Variants in CLDN10 observed in about 807,000 individuals in gnomAD.
The protein encoded by CLDN10 is claudin 10, also known as claudin-10.
In CLDN10, 15 loss-of-function variants were observed where a neutral mutation model predicts 22.9. The observed-to-expected ratio is 0.65, with a 90% CI of 0.44 to 1.01. The LOEUF (loss-of-function observed/expected upper bound fraction) is 1.01, where lower values mean the gene tolerates loss of function less well. Among genes scored for constraint, CLDN10 ranks in the 50% least tolerant of loss-of-function variants. The probability of loss-of-function intolerance (pLI) is 0.00; values close to 1 mark genes in which losing one functional copy is unlikely to be tolerated. For missense variants in CLDN10, 247 were observed against 287.8 expected, an observed-to-expected ratio of 0.86 and a Z score of 1.03; for synonymous variants, 114 against 111.4, an observed-to-expected ratio of 1.02 and a Z score of -0.15.
At chr13:95,471,648 C>T (rs1441313729) in intron 1 of CLDN10, among the ~76,000 whole-genome samples, 1 of 151,832 alleles carries the variant, frequency 6.6e-6, no homozygotes, top group East Asian at 1.9e-4. Flanking sequence ...GACAGGGTTT[C>T]ACCATGTTGG....
intron 3 of CLDN10, among the ~76,000 whole-genome samples, chr13:95,564,913 T>C (rs970769695): frequency 6.6e-6 from 1 of 152,194 alleles, no homozygotes; most frequent in African/African-American, 2.4e-5. Flanking sequence ...CGAGCTACAA[T>C]CATTTGACAG....
At chr13:95,556,536 T>A (rs138187327) in intron 1 of CLDN10, among the ~76,000 whole-genome samples, 6 of 152,380 alleles carry the variant, frequency 3.9e-5, no homozygotes, top group Non-Finnish European at 7.3e-5. Context: ...GATGCTTTGA[T>A]GACTTTCTTA....
rs778696030 is a variant in CLDN10, at chr13:95,560,264, G to T, written c.353G>T (p.Cys118Phe). Residue 118 changes from cysteine (C) to phenylalanine (F), a missense_variant, in exon 2 of 5, where the codon TGT becomes TTT. Transcript: ENST00000299339. ...GSDKAKAKIA[C>F]LAGIVFILSG... The stretch of plus-strand genomic sequence containing the variant: ...GATAAAGCCAAAGCTAAAATTGCTT[G>T]TTTGGCTGGGATTGTATTCATACTG... 4 of 1,614,182 alleles carry T rather than the reference G, an allele frequency of 2.5e-6. No individual in the cohort carries two copies. Among genetic ancestry groups the T allele is most frequent in the Non-Finnish European group, 3.4e-6 (4 of 1,180,012 alleles).
At chr13:95,479,757 T>C (rs1460296392) in intron 1 of CLDN10, 1 of 152,198 alleles carries the variant, frequency 6.6e-6, no homozygotes, top group Non-Finnish European at 1.5e-5. Context: ...CAAGGTCACA[T>C]AGCCAGTGAC....
intron 1 of CLDN10, among the ~76,000 whole-genome samples, chr13:95,482,288 A>G (rs1214637970): frequency 1.3e-5 from 2 of 152,216 alleles, no homozygotes; most frequent in Non-Finnish European, 2.9e-5. Flanking sequence ...CATAGGCTAT[A>G]CAGAAACAGG....
chr13:95,487,334 T>C (rs919697267), intron 1 of CLDN10, among the ~76,000 whole-genome samples: 1 of 152,250 alleles, frequency 6.6e-6, no homozygotes. Context: ...AAATCATTTT[T>C]GAATATTCAG....
chr13:95,488,638 C>A (rs7995114), intron 1 of CLDN10, among the ~76,000 whole-genome samples: 101,442 of 151,894 alleles, frequency 0.67, 35,242 homozygotes, highest in African/African-American at 0.87. Context: ...TTCCTGAGTT[C>A]CTTCACTTAG....
chr13:95,467,529 T>TTTGG (rs34372824), intron 1 of CLDN10, among the ~76,000 whole-genome samples: 5 of 150,786 alleles, frequency 3.3e-5, no homozygotes, highest in African/African-American at 1.2e-4. Flanking sequence ...TTGTTTTTTT[T>TTTGG]GGGGGGGGCA....
At chr13:95,470,944 C>T (rs2042624756) in intron 1 of CLDN10, among the ~76,000 whole-genome samples, 1 of 152,074 alleles carries the variant, frequency 6.6e-6, no homozygotes, top group South Asian at 2.1e-4. Flanking sequence ...ACTGCGGGCC[C>T]GGCTCTGAGA....
intron 1 of CLDN10, among the ~76,000 whole-genome samples, chr13:95,498,366 G>A (rs1019105030): frequency 1.3e-5 from 2 of 152,206 alleles, no homozygotes; most frequent in South Asian, 4.1e-4. Flanking sequence ...ATGTCTATGG[G>A]CAAAATATTT....
intron 1 of CLDN10, among the ~76,000 whole-genome samples, chr13:95,455,343 G>T (rs1039357593): frequency 1.3e-5 from 2 of 152,224 alleles, no homozygotes; most frequent in Admixed American, 1.3e-4. Flanking sequence ...CCCACAGAGG[G>T]TGTTTAATGT....
intron 1 of CLDN10, among the ~76,000 whole-genome samples, chr13:95,441,357 A>G (rs1286868081): frequency 2.0e-5 from 3 of 152,044 alleles, no homozygotes; most frequent in African/African-American, 7.2e-5. Flanking sequence ...CAATCCTCCC[A>G]TCTCATCGTC....
chr13:95,526,790 A>ATAAG (rs1281977404), intron 1 of CLDN10, among the ~76,000 whole-genome samples: 2 of 37,808 alleles, frequency 5.3e-5, no homozygotes, highest in Non-Finnish European at 1.2e-4. Flanking sequence ...TCCATCTCAA[A>ATAAG]TAAATAAATA....
intron 1 of CLDN10, among the ~76,000 whole-genome samples, chr13:95,438,972 TCG>T (rs1209457696): frequency 1.4e-5 from 1 of 73,018 alleles, no homozygotes; most frequent in African/African-American, 6.7e-5. Context: ...CAAGACTCCA[TCG>T]CAAAAAAAAA....
At chr13:95,493,582 A>G (rs2042898874) in intron 1 of CLDN10, among the ~76,000 whole-genome samples, 1 of 141,200 alleles carries the variant, frequency 7.1e-6, no homozygotes, top group African/African-American at 2.7e-5. Flanking sequence ...TTTTTGAGAC[A>G]CAGTCTCACT....
chr13:95,453,375 C>T (rs748663229), intron 1 of CLDN10, among the ~76,000 whole-genome samples: 49 of 152,172 alleles, frequency 3.2e-4, no homozygotes, highest in Non-Finnish European at 3.1e-4. Flanking sequence ...ACTCCATTAG[C>T]CTTACCTCTA....
chr13:95,523,632 G>C (rs2043244819), intron 1 of CLDN10, among the ~76,000 whole-genome samples: 1 of 152,164 alleles, frequency 6.6e-6, no homozygotes, highest in Non-Finnish European at 1.5e-5. Context: ...TTTAGAGATA[G>C]GGTCTCACTA....
intron 1 of CLDN10, among the ~76,000 whole-genome samples, chr13:95,444,165 T>C (rs1013810121): frequency 1.3e-5 from 2 of 152,156 alleles, no homozygotes; most frequent in African/African-American, 4.8e-5. Flanking sequence ...ACAGACTAAA[T>C]TGCATCCTAA....
At chr13:95,530,218 G>C (rs1480089768) in intron 1 of CLDN10, among the ~76,000 whole-genome samples, 1 of 152,156 alleles carries the variant, frequency 6.6e-6, no homozygotes, top group African/African-American at 2.4e-5. Flanking sequence ...TGGACCATGA[G>C]TTATTTAAAT....
Sources: gnomAD v4.1 joint callset for allele counts (sites outside exome capture counted in the v4.1 genomes callset) on GRCh38, gnomAD v4.1.1 for gene constraint, MANE v1.5 for transcripts, NCBI Gene and HGNC (gene_info 2026-07-23, HGNC 2026-07-21) for gene names.